Variants in AXDND1 observed in about 807,000 individuals in gnomAD.
AXDND1 encodes axonemal dynein light chain domain-containing protein 1.
In AXDND1, 110 loss-of-function variants were observed where a neutral mutation model predicts 137.5. That is an observed-to-expected ratio of 0.80 (90% CI 0.69 to 0.94). The LOEUF is 0.94. Among genes scored for constraint, AXDND1 ranks in the 40% least tolerant of loss-of-function variants. The pLI is 0.00. For synonymous variants in AXDND1, 414 were observed against 399.7 expected, an observed-to-expected ratio of 1.04 and a Z score of -0.43; for missense variants, 1,191 against 1,169.8, an observed-to-expected ratio of 1.02 and a Z score of -0.26.
intron 16 of AXDND1, chr1:179,450,415 T>A (rs1660389052): frequency 1.3e-5 from 2 of 152,252 alleles, no homozygotes; most frequent in East Asian, 1.9e-4. Context: ...ATTCTTGTCC[T>A]TAGTAGGAAA....
intron 17 of AXDND1, among the ~76,000 whole-genome samples, chr1:179,469,359 T>C (rs1249860062): frequency 6.6e-6 from 1 of 152,352 alleles, no homozygotes; most frequent in African/African-American, 2.4e-5. Flanking sequence ...TTTTTATGAC[T>C]GAATCATATT....
At chr1:179,429,392 G>T in intron 12 of AXDND1, 126 bp from the exon 13 acceptor site, 1 of 494,628 alleles carries the variant, frequency 2.0e-6, no homozygotes, top group Non-Finnish European at 3.4e-6. Context: ...TCGTGTTAAT[G>T]ATTTAAACGA....
At chr1:179,490,252 G>C (rs1349515794) in intron 18 of AXDND1, among the ~76,000 whole-genome samples, 1 of 152,170 alleles carries the variant, frequency 6.6e-6, no homozygotes, top group African/African-American at 2.4e-5. Context: ...ATTAGAGCCA[G>C]TGGAAACTGG....
At chr1:179,534,600 T>C in intron 24 of AXDND1, 130 bp from the exon 25 acceptor site, 2 of 1,203,488 alleles carry the variant, frequency 1.7e-6, no homozygotes, top group Non-Finnish European at 2.2e-6. Flanking sequence ...TCATTGATGC[T>C]GTTGCTTCCC....
intron 12 of AXDND1, among the ~76,000 whole-genome samples, chr1:179,428,533 T>A (rs1017728629): frequency 2.6e-5 from 4 of 152,256 alleles, no homozygotes; most frequent in Admixed American, 6.5e-5. Flanking sequence ...GGACCCCTTG[T>A]GGGGGGCAGG....
intron 25 of AXDND1, chr1:179,551,141 C>T (rs751657857): frequency 1.8e-5 from 29 of 1,611,458 alleles, no homozygotes; most frequent in Non-Finnish European, 2.3e-5. Context: ...CTATGGCAGG[C>T]CCCTTTACAG....
At chr1:179,390,824 G>C (rs1012427441) in intron 9 of AXDND1, among the ~76,000 whole-genome samples, 5 of 150,428 alleles carry the variant, frequency 3.3e-5, no homozygotes, top group Non-Finnish European at 7.4e-5. Context: ...TTATTTTTTT[G>C]AGATGGAGTT....
At chr1:179,467,393 G>A (rs1663352268) in intron 16 of AXDND1, among the ~76,000 whole-genome samples, 1 of 151,496 alleles carries the variant, frequency 6.6e-6, no homozygotes, top group African/African-American at 2.4e-5. Flanking sequence ...AAGCAACCGT[G>A]GATCAAAAAT....
At chr1:179,509,426 G>T (rs2125639608) in intron 21 of AXDND1, 23 bp downstream of exon 21, 1 of 1,431,030 alleles carries the variant, frequency 7.0e-7, no homozygotes. Context: ...TGTTAGCGTT[G>T]GTCATTATTC....
intron 17 of AXDND1, among the ~76,000 whole-genome samples, chr1:179,476,966 A>G (rs998788864): frequency 1.3e-5 from 2 of 152,102 alleles, no homozygotes; most frequent in Non-Finnish European, 2.9e-5. Flanking sequence ...TCTACTTCCA[A>G]TACTCCCTTT....
intron 14 of AXDND1, among the ~76,000 whole-genome samples, chr1:179,432,025 T>TA (rs1414745990): frequency 6.6e-6 from 1 of 151,976 alleles, no homozygotes; most frequent in African/African-American, 2.4e-5. Context: ...GACCACCCTT[T>TA]AAAAAAAATA....
intron 12 of AXDND1, among the ~76,000 whole-genome samples, chr1:179,428,896 C>G (rs966877644): frequency 3.3e-5 from 5 of 152,086 alleles, no homozygotes; most frequent in African/African-American, 1.2e-4. Flanking sequence ...AGTTTACTTT[C>G]TGCCGGGCGT....
At chr1:179,472,842 TCTTTTC>T (rs1431118884) in intron 17 of AXDND1, among the ~76,000 whole-genome samples, 1 of 152,198 alleles carries the variant, frequency 6.6e-6, no homozygotes, top group Non-Finnish European at 1.5e-5. Flanking sequence ...CTGTTACATA[TCTTTTC>T]CTTTTATACT....
intron 8 of AXDND1, among the ~76,000 whole-genome samples, chr1:179,383,746 G>T (rs1648758143): frequency 6.6e-6 from 1 of 152,146 alleles, no homozygotes; most frequent in Non-Finnish European, 1.5e-5. Flanking sequence ...GAGATGAAAT[G>T]ACATAATAAA....
At chr1:179,506,660 G>A (rs962806537) in intron 20 of AXDND1, among the ~76,000 whole-genome samples, 1 of 152,112 alleles carries the variant, frequency 6.6e-6, no homozygotes, top group African/African-American at 2.4e-5. Context: ...AGCCTAGGAG[G>A]CGGAGGTTGC....
In AXDND1 at chr1:179,379,403, A is replaced by G. The variant is rs368998259; in HGVS notation, c.502A>G (p.Thr168Ala). 2.5e-5 allele frequency: 40 copies of G among 1,613,282 alleles called. No homozygotes were observed. In the South Asian group the frequency reaches 4.1e-4, roughly 16 times the overall value. The change falls in exon 6 of 26, where the codon ACA (threonine) becomes GCA (alanine). Residue 168 changes from threonine to alanine, a missense_variant. Thr to Ala is a moderately conservative substitution (Grantham distance 58). Transcript: ENST00000367618. ...DGVIVPHKPK[T>A]LTDTLIPEEF... ...GCTTTTCTTTTCTTTTAAGCCAAAG[A>G]CACTAACAGATACTTTGATTCCTGA... is the stretch of plus-strand genomic sequence containing the variant.
intron 12 of AXDND1, among the ~76,000 whole-genome samples, chr1:179,429,269 T>TTGAGATAA (rs1353070244): frequency 6.6e-6 from 1 of 152,156 alleles, no homozygotes; most frequent in Non-Finnish European, 1.5e-5. Flanking sequence ...TAAAGGGGCC[T>TTGAGATAA]TGAGATAACA....
intron 18 of AXDND1, among the ~76,000 whole-genome samples, chr1:179,488,030 C>A (rs1358269998): frequency 2.5e-5 from 3 of 119,420 alleles, no homozygotes; most frequent in Admixed American, 8.6e-5. Context: ...AATTTCAATT[C>A]CGTCAATCAG....
chr1:179,482,906 G>A (rs1468343057), intron 17 of AXDND1, among the ~76,000 whole-genome samples: 1 of 151,002 alleles, frequency 6.6e-6, no homozygotes, highest in African/African-American at 2.4e-5. Context: ...TTTGTCCAAA[G>A]TGCATCTTGC....
Sources: gnomAD v4.1 joint callset for allele counts (sites outside exome capture counted in the v4.1 genomes callset) on GRCh38, gnomAD v4.1.1 for gene constraint, MANE v1.5 for transcripts, NCBI Gene and HGNC (gene_info 2026-07-23, HGNC 2026-07-21) for gene names.